LPA: variants seen among roughly 807,000 people sequenced by gnomAD.
The protein encoded by LPA is lipoprotein(a), also known as apolipoprotein(a).
In LPA, 199 loss-of-function variants were observed where a neutral mutation model predicts 197.9. The observed-to-expected ratio is 1.01, with a 90% CI of 0.90 to 1.13. The LOEUF is 1.13. Among genes scored for constraint, LPA ranks in the 50% most tolerant of loss-of-function variants. LPA has a pLI of 0.00. For synonymous variants in LPA, 715 were observed against 639.5 expected, an observed-to-expected ratio of 1.12 and a Z score of -1.78; for missense variants, 1,853 against 1,785.8, an observed-to-expected ratio of 1.04 and a Z score of -0.68.
At chr6:160,551,913 CTTT>C (rs569721968) in intron 30 of LPA, among the ~76,000 whole-genome samples, 6 of 129,306 alleles carry the variant, frequency 4.6e-5, no homozygotes, top group Admixed American at 7.9e-5. Context: ...AACACATATC[CTTT>C]TTTTTTTTTT....
intron 26 of LPA, among the ~76,000 whole-genome samples, chr6:160,583,914 G>A (rs1380287413): frequency 6.6e-6 from 1 of 152,124 alleles, no homozygotes; most frequent in East Asian, 1.9e-4. Context: ...ACTGTCTGCT[G>A]TTCAACATGT....
In LPA at chr6:160,556,133, T is replaced by C. The variant is rs760748892; in HGVS notation, c.4865A>G (p.Gln1622Arg). The C allele has an allele frequency of 1.9e-5, 31 of 1,613,998 alleles. No homozygotes were observed. The highest frequency in any genetic ancestry group is 2.5e-5 in the Non-Finnish European group (30 of 1,179,978). The change falls in exon 30 of 39, where the codon CAG (glutamine) becomes CGG (arginine). Residue 1622 changes from glutamine to arginine, a missense_variant. Coordinates refer to ENST00000316300, the MANE Select transcript of LPA (RefSeq NM_005577.4). ...VVRQCYHGNG[Q>R]SYRGTFSTTV... is the part of the protein sequence containing the mutation. ...GGTGGAGAATGTGCCTCGATAACTC[T>C]GGCCATTACCATGGTAGCACTGCCG...
intron 16 of LPA, among the ~76,000 whole-genome samples, chr6:160,608,334 C>T: frequency 6.6e-6 from 1 of 152,156 alleles, no homozygotes; most frequent in South Asian, 2.1e-4. Flanking sequence ...CATGGATGAT[C>T]TTCAAGGCAT....
chr6:160,561,720 T>C (rs1778365772), intron 28 of LPA, among the ~76,000 whole-genome samples: 1 of 152,190 alleles, frequency 6.6e-6, no homozygotes, highest in Middle Eastern at 3.2e-3. Context: ...TGTTTTTCCA[T>C]TTGTTTGTGT....
chr6:160,651,427 T>A (rs1227489177), intron 1 of LPA, among the ~76,000 whole-genome samples: 1 of 152,118 alleles, frequency 6.6e-6, no homozygotes, highest in East Asian at 1.9e-4. Context: ...CAGCAACCCA[T>A]CACTGGAGGA....
intron 26 of LPA, among the ~76,000 whole-genome samples, chr6:160,579,258 A>G (rs1360567418): frequency 6.6e-6 from 1 of 152,168 alleles, no homozygotes; most frequent in Non-Finnish European, 1.5e-5. Flanking sequence ...CATTTGCAAT[A>G]TAAAATAATC....
At chr6:160,594,581 G>A (rs41271032) in intron 21 of LPA, among the ~76,000 whole-genome samples, 2,605 of 152,248 alleles carry the variant, frequency 0.017, 99 homozygotes, top group African/African-American at 0.06. Context: ...GGCAGGAAGC[G>A]GTCCTGCATC....
At chr6:160,576,354 A>ATGTG (rs1778663148) in intron 28 of LPA, among the ~76,000 whole-genome samples, 1 of 35,554 alleles carries the variant, frequency 2.8e-5, no homozygotes, top group South Asian at 1.2e-3. Flanking sequence ...ATATATATAT[A>ATGTG]TATATATATA....
At chr6:160,540,784 C>G (rs1345730914) in intron 35 of LPA, among the ~76,000 whole-genome samples, 1 of 152,220 alleles carries the variant, frequency 6.6e-6, no homozygotes, top group African/African-American at 2.4e-5. Flanking sequence ...AGATATTGCT[C>G]TAGAGCAATG....
chr6:160,547,115 C>T lies in LPA; in HGVS notation c.5304+674G>A, dbSNP rs1357231731. 2.6e-5 allele frequency among the ~76,000 whole-genome samples: 4 copies of T among 152,106 alleles called. No homozygotes were observed. The East Asian group carries it at 5.8e-4, about 22-fold the overall frequency. On this transcript the variant is annotated intron_variant, in intron 32 of 38. Coordinates refer to ENST00000316300, the MANE Select transcript of LPA (RefSeq NM_005577.4). ...ACTCAAGTACCTTCCATTTATCGTGCACTTTATTTCAATTATTATTACATT... is the reference window on the plus strand; with the variant it reads ...ACTCAAGTACCTTCCATTTATCGTGTACTTTATTTCAATTATTATTACATT...
At chr6:160,584,592 A>G (rs1290985440) in intron 26 of LPA, among the ~76,000 whole-genome samples, 1 of 151,988 alleles carries the variant, frequency 6.6e-6, no homozygotes, top group African/African-American at 2.4e-5. Context: ...TTGTCCTCCC[A>G]AAGTGTTGGG....
At chr6:160,603,263 T>TGTGTGTGTGTGC (rs992315798) in intron 18 of LPA, among the ~76,000 whole-genome samples, 1 of 151,174 alleles carries the variant, frequency 6.6e-6, no homozygotes, top group Non-Finnish European at 1.5e-5. Context: ...TGTGTGTGCG[T>TGTGTGTGTGTGC]GCATGTTTCT....
At chr6:160,647,526 AC>A (rs1484664537) in intron 2 of LPA, among the ~76,000 whole-genome samples, 2 of 152,196 alleles carry the variant, frequency 1.3e-5, no homozygotes, top group Non-Finnish European at 2.9e-5. Flanking sequence ...AACTGGATGT[AC>A]TAAGAGCCAG....
At position 160,539,056 on chromosome 6, in the gene LPA, C is replaced by T. The variant is rs1777936941; in HGVS notation, c.5735+987G>A. ...TCCTTCCTAGAGTGTCAGAGGATTC[C>T]AGGACATCACCCCTCAGTTCACAGA... On this transcript the variant is annotated intron_variant, in intron 36 of 38. Transcript: ENST00000316300. Among the ~76,000 whole-genome samples the T allele has an allele frequency of 2.6e-5, 4 of 152,150 alleles. No homozygotes were observed. The South Asian group carries it at 8.3e-4, about 32-fold the overall frequency.
chr6:160,554,515 G>A (rs1179215731), intron 30 of LPA, among the ~76,000 whole-genome samples: 1 of 152,098 alleles, frequency 6.6e-6, no homozygotes, highest in Non-Finnish European at 1.5e-5. Context: ...TTCTAAGAAG[G>A]CATAAATCCT....
chr6:160,569,932 G>T (rs1392825946), intron 28 of LPA, among the ~76,000 whole-genome samples: 2 of 152,126 alleles, frequency 1.3e-5, no homozygotes, highest in African/African-American at 4.8e-5. Flanking sequence ...AAACCACAAT[G>T]AGATACCATC....
At position 160,542,443 on chromosome 6, in the gene LPA, T is replaced by A. The variant is rs201332213; in HGVS notation, c.5519+245A>T. Among the ~76,000 whole-genome samples, 44 of 152,310 alleles carry A rather than the reference T, an allele frequency of 2.9e-4. No individual in the cohort carries two copies. The East Asian group carries it at 7.7e-3, about 27-fold the overall frequency. On this transcript the variant is annotated intron_variant, in intron 34 of 38. Coordinates refer to ENST00000316300, the MANE Select transcript of LPA (RefSeq NM_005577.4). ...CAAAAGTATTGGAACTTGGTGCAAA[T>A]CACTGTGCCTACAGATTTTGATGGA... is the stretch of plus-strand genomic sequence containing the variant.
chr6:160,572,722 T>C (rs1778585002), intron 28 of LPA, among the ~76,000 whole-genome samples: 1 of 152,214 alleles, frequency 6.6e-6, no homozygotes, highest in Non-Finnish European at 1.5e-5. Context: ...TTGAGGAGGC[T>C]ATGATAGGGC....
intron 22 of LPA, among the ~76,000 whole-genome samples, chr6:160,592,603 T>A (rs1028063881): frequency 3.3e-5 from 5 of 152,232 alleles, no homozygotes; most frequent in African/African-American, 1.2e-4. Context: ...AGTAAATTTT[T>A]AAATGCAAGT....
Sources: allele counts gnomAD v4.1 joint callset (sites outside exome capture counted in the v4.1 genomes callset), GRCh38; gene constraint gnomAD v4.1.1; transcripts MANE v1.5; gene names NCBI Gene and HGNC (gene_info 2026-07-23, HGNC 2026-07-21).